DIPK1A: variants seen among roughly 807,000 people sequenced by gnomAD.
DIPK1A encodes family with sequence similarity 69 member A.
A neutral mutation model predicts 40.8 loss-of-function variants in DIPK1A; 27 were observed. That is an observed-to-expected ratio of 0.66 (90% CI 0.49 to 0.91). The LOEUF (loss-of-function observed/expected upper bound fraction) is 0.91, where lower values mean the gene tolerates loss of function less well. DIPK1A is among the 40% of genes least tolerant of loss of function. DIPK1A has a pLI of 0.00. For missense variants in DIPK1A, 412 were observed against 505.7 expected (o/e 0.81, Z 1.78); for synonymous variants, 166 against 171.3 (o/e 0.97, Z 0.24).
intron 2 of DIPK1A, among the ~76,000 whole-genome samples, chr1:92,853,158 T>C (rs1475184296): frequency 1.3e-5 from 2 of 151,668 alleles, no homozygotes; most frequent in African/African-American, 4.8e-5. Flanking sequence ...AATGTATAGA[T>C]AAAAAAGACA....
At chr1:92,840,008 A>AT (rs111307161), downstream of DIPK1A, among the ~76,000 whole-genome samples, 4,612 of 138,310 alleles carry the variant, frequency 0.033, 222 homozygotes, top group African/African-American at 0.11. Flanking sequence ...TGCCCTGCTA[A>AT]TTTTTTTTTT....
chr1:92,885,129 C>T (rs542468923), intron 1 of DIPK1A, among the ~76,000 whole-genome samples: 2 of 151,902 alleles, frequency 1.3e-5, no homozygotes, highest in Non-Finnish European at 2.9e-5. Context: ...ACTGAAGAGA[C>T]CAGGGAGGGG....
intron 1 of DIPK1A, among the ~76,000 whole-genome samples, chr1:92,879,216 A>T (rs927157582): frequency 6.6e-6 from 1 of 152,116 alleles, no homozygotes; most frequent in Non-Finnish European, 1.5e-5. Flanking sequence ...ATTACAACAC[A>T]TGTATCTTTT....
chr1:92,959,903 C>CATTTTTTTTTTTTTTTTTTTTT (rs1651998956), intron 1 of DIPK1A, among the ~76,000 whole-genome samples: 1 of 47,892 alleles, frequency 2.1e-5, no homozygotes, highest in Non-Finnish European at 3.3e-5. Flanking sequence ...ACCCAACCAA[C>CATTTTTTTTTTTTTTTTTTTTT]TTTTTTTTTT....
In DIPK1A at chr1:92,843,430, G is replaced by T; in HGVS notation, c.1240C>A (p.Leu414Ile). 6.5e-7 allele frequency: 1 copy of T among 1,550,058 alleles called. No individual in the cohort carries two copies. The highest frequency in any genetic ancestry group is 8.7e-7 in the Non-Finnish European group (1 of 1,146,400). Residue 414 changes from leucine (L) to isoleucine (I), a missense_variant, in exon 5 of 5, where the codon CTA (leucine) becomes ATA (isoleucine). By Grantham distance (5) the Leu-to-Ile change is conservative. Coordinates refer to ENST00000370310, the MANE Select transcript of DIPK1A (RefSeq NM_001006605.5). ...ATTTTCTTCCACAATAATGTTTTTAGGTTATTTAGTATCAAAGAATGTTCC... is the reference window on the plus strand; with the variant it reads ...ATTTTCTTCCACAATAATGTTTTTATGTTATTTAGTATCAAAGAATGTTCC... ...EMEHSLILNN[L>I]KTLLWKKISY...
At chr1:92,892,225 A>C (rs769283963) in intron 1 of DIPK1A, among the ~76,000 whole-genome samples, 4 of 151,874 alleles carry the variant, frequency 2.6e-5, no homozygotes, top group Non-Finnish European at 5.9e-5. Flanking sequence ...TGGGTCCCTG[A>C]CTCCCGAGTA....
intron 4 of DIPK1A, chr1:92,834,937 G>C (rs1305111596): frequency 5.0e-6 from 8 of 1,599,764 alleles, no homozygotes; most frequent in Non-Finnish European, 5.9e-6. Context: ...GATTTTAATT[G>C]ATGTAGTTTG....
chr1:92,926,335 T>A (rs1019864143), intron 1 of DIPK1A, among the ~76,000 whole-genome samples: 1 of 152,234 alleles, frequency 6.6e-6, no homozygotes, highest in African/African-American at 2.4e-5. Flanking sequence ...ATCTTTTTGT[T>A]ACTGACTTGT....
At chr1:92,923,328 G>A (rs1220472596) in intron 1 of DIPK1A, among the ~76,000 whole-genome samples, 1 of 151,974 alleles carries the variant, frequency 6.6e-6, no homozygotes, top group Non-Finnish European at 1.5e-5. Flanking sequence ...TAGTAGAGAC[G>A]GGATTTCACC....
At chr1:92,887,165 T>G (rs1241658409) in intron 1 of DIPK1A, among the ~76,000 whole-genome samples, 12 of 149,672 alleles carry the variant, frequency 8.0e-5, no homozygotes, top group Non-Finnish European at 3.0e-5. Context: ...CACCTGTAAT[T>G]CCAGCACTTT....
intron 1 of DIPK1A, among the ~76,000 whole-genome samples, chr1:92,882,950 G>A (rs763520188): frequency 1.7e-4 from 26 of 152,168 alleles, no homozygotes; most frequent in Non-Finnish European, 8.8e-5. Context: ...ATGTTAAACA[G>A]CTTTGGCTCT....
Position 92,843,197 on chromosome 1 carries a change from A to C in DIPK1A, c.*186T>G. ...CAGGGCTTCTAAAAGGGCAGGAATG[A>C]CATCTTGGGGACCTGTTGATCCTAC... On this transcript the variant is annotated 3_prime_UTR_variant, in exon 5 of 5. Coordinates refer to ENST00000370310, the MANE Select transcript of DIPK1A (RefSeq NM_001006605.5). The C allele has an allele frequency of 2.2e-6, 3 of 1,363,804 alleles. No homozygotes were observed. The highest frequency in any genetic ancestry group is 2.8e-6 in the Non-Finnish European group (3 of 1,055,360). 84.5% of individuals were successfully genotyped at this position (1,363,804 alleles called of 1,614,324 possible).
In DIPK1A at chr1:92,843,754, A is replaced by G; in HGVS notation, c.916T>C (p.Tyr306His). 5 of 1,551,754 alleles carry G rather than the reference A, an allele frequency of 3.2e-6. No individual in the cohort carries two copies. The highest frequency in any genetic ancestry group is 4.4e-6 in the Non-Finnish European group (5 of 1,146,982). ...SAKNLGYNDKYDLKMVDMRKI... is the reference protein window; with the variant it reads ...SAKNLGYNDKHDLKMVDMRKI... The stretch of plus-strand genomic sequence containing the variant: ...CTCATATCCACCATTTTCAAATCAT[A>G]CTTATCATTATATCCTAGGTTTTTG... The change falls in exon 5 of 5, where the codon TAT becomes CAT. Residue 306 changes from tyrosine (Y) to histidine (H), a missense_variant. Transcript: ENST00000370310.
At chr1:92,859,097 T>C (rs965587676) in intron 2 of DIPK1A, among the ~76,000 whole-genome samples, 14 of 152,160 alleles carry the variant, frequency 9.2e-5, no homozygotes, top group African/African-American at 3.1e-4. Context: ...AATAATTTCA[T>C]CAACTATGGA....
At chr1:92,950,847 T>C (rs1037220682) in intron 1 of DIPK1A, among the ~76,000 whole-genome samples, 1 of 152,228 alleles carries the variant, frequency 6.6e-6, no homozygotes, top group African/African-American at 2.4e-5. Flanking sequence ...GAAGGATTAA[T>C]ATAATCATAG....
chr1:92,914,443 G>A (rs1649962305), intron 1 of DIPK1A, among the ~76,000 whole-genome samples: 1 of 152,020 alleles, frequency 6.6e-6, no homozygotes, highest in Non-Finnish European at 1.5e-5. Context: ...TACAGCACAG[G>A]AGGCGAGGAC....
chr1:92,884,490 T>C (rs534359762), intron 1 of DIPK1A, among the ~76,000 whole-genome samples: 7 of 151,926 alleles, frequency 4.6e-5, no homozygotes, highest in Non-Finnish European at 8.8e-5. Flanking sequence ...CCTTGAGATA[T>C]GGATATAATA....
downstream of DIPK1A, chr1:92,841,778 C>A (rs1033644360): frequency 6.2e-6 from 10 of 1,610,906 alleles, no homozygotes; most frequent in African/African-American, 1.3e-4. Context: ...GGAACCGTCC[C>A]AAAATGTCCC....
intron 1 of DIPK1A, among the ~76,000 whole-genome samples, chr1:92,922,958 T>C (rs1344602141): frequency 6.6e-6 from 1 of 152,024 alleles, no homozygotes; most frequent in African/African-American, 2.4e-5. Flanking sequence ...TCTGAGAAAA[T>C]TTCTCAAATC....
Sources: allele counts gnomAD v4.1 joint callset (sites outside exome capture counted in the v4.1 genomes callset), GRCh38; gene constraint gnomAD v4.1.1; transcripts MANE v1.5; gene names NCBI Gene and HGNC (gene_info 2026-07-23, HGNC 2026-07-21).